Variants in COG5 observed in about 807,000 individuals in gnomAD.
COG5 encodes the protein conserved oligomeric Golgi complex subunit 5.
Under a neutral mutation model 110.4 loss-of-function variants are expected in COG5, and 86 were observed. That is an observed-to-expected ratio of 0.78 (90% CI 0.65 to 0.93). COG5 has a LOEUF of 0.93. Among genes scored for constraint, COG5 ranks in the 40% least tolerant of loss-of-function variants. The probability of loss-of-function intolerance (pLI) is 0.00; values close to 1 mark genes in which losing one functional copy is unlikely to be tolerated. For synonymous variants in COG5, 360 were observed against 334.6 expected (o/e 1.08, Z -0.83); for missense variants, 1,077 against 987.0 (o/e 1.09, Z -1.22).
intron 6 of COG5, among the ~76,000 whole-genome samples, chr7:107,444,345 T>C (rs17154091): frequency 0.19 from 29,401 of 152,164 alleles, 3,273 homozygotes; most frequent in East Asian, 0.33. Flanking sequence ...AGAGTTTAAA[T>C]TATTCAAGTC....
In COG5 at chr7:107,202,892, AG is replaced by A. The variant is rs1798451730; in HGVS notation, c.*623del. On this transcript the variant is annotated 3_prime_UTR_variant, in exon 22 of 22. Transcript: ENST00000297135. ...AAGATCCAGTATGACATACTTAAAAAGGCCATTTAACCTTGTATCTTAGCTT... is the reference window on the plus strand; with the variant it reads ...AAGATCCAGTATGACATACTTAAAAAGCCATTTAACCTTGTATCTTAGCTT... 6.5e-6 allele frequency: 1 copy of A among 152,708 alleles called. No individual in the cohort carries two copies. The highest frequency in any genetic ancestry group is 1.5e-5 in the Non-Finnish European group (1 of 68,444). 9.5% of individuals were successfully genotyped at this position (152,708 alleles called of 1,614,324 possible).
At chr7:107,208,617 C>G (rs1798934433) in intron 21 of COG5, 1 of 985,344 alleles carries the variant, frequency 1.0e-6, no homozygotes, top group South Asian at 4.7e-5. Flanking sequence ...CACCCAAATC[C>G]AAAGCCTTTC....
At chr7:107,496,090 C>T (rs1584895117) in intron 6 of COG5, among the ~76,000 whole-genome samples, 1 of 151,808 alleles carries the variant, frequency 6.6e-6, no homozygotes. Flanking sequence ...TTGGACCGAA[C>T]ATTTAAAGAG....
rs1489778471 is a variant in COG5 at position 107,507,467 on chromosome 7, G to GTT, written c.538+19769_538+19770insAA. On this transcript the variant is annotated intron_variant, in intron 6 of 21. Transcript: ENST00000297135. The stretch of plus-strand genomic sequence containing the variant: ...CACCACCATGCCCAGCTAATTTTTT[G>GTT]TATTTTTTTTTTTTTTTTTTTAGTA... 3.4e-4 allele frequency among the ~76,000 whole-genome samples: 38 copies of GTT among 112,566 alleles called. No homozygotes were observed. The East Asian group carries it at 5.7e-3, about 17-fold the overall frequency. The allele number at this position is 112,566 out of a possible 152,430, so 73.8% of individuals were successfully genotyped here.
intron 6 of COG5, among the ~76,000 whole-genome samples, chr7:107,424,154 T>C (rs774078416): frequency 1.3e-5 from 2 of 151,978 alleles, no homozygotes; most frequent in Non-Finnish European, 2.9e-5. Flanking sequence ...GTGCCTGTAG[T>C]ACCAGCTACT....
At chr7:107,266,927 A>T (rs1027325359) in intron 14 of COG5, among the ~76,000 whole-genome samples, 10 of 152,218 alleles carry the variant, frequency 6.6e-5, no homozygotes, top group African/African-American at 2.4e-4. Context: ...TATTTACAAA[A>T]TAAAGACAGG....
Position 107,474,325 on chromosome 7 carries a change from GTAA to G in COG5, c.538+52909_538+52911del. ...TACAATGAATCTTCATGTACTTGAT[GTAA>G]TAATTTGTGTGGGATGTATTCCTCT... is the stretch of plus-strand genomic sequence containing the variant. On this transcript the variant is annotated intron_variant, in intron 6 of 21. Coordinates refer to ENST00000297135, the MANE Select transcript of COG5 (RefSeq NM_006348.5). This position sits in a 1 kb window ranked among gnomAD's most constrained non-coding sequence, Gnocchi z 5.7. 6.2e-7 allele frequency: 1 copy of G among 1,611,600 alleles called. No individual in the cohort carries two copies. Among genetic ancestry groups the G allele is most frequent in the Non-Finnish European group, 8.5e-7 (1 of 1,177,928 alleles).
chr7:107,227,065 AG>A (rs978618857), intron 19 of COG5, among the ~76,000 whole-genome samples: 1 of 152,234 alleles, frequency 6.6e-6, no homozygotes, highest in African/African-American at 2.4e-5. Flanking sequence ...GTTTGTGGAA[AG>A]GAAAAAACTT....
intron 6 of COG5, among the ~76,000 whole-genome samples, chr7:107,414,700 TC>T (rs1792572002): frequency 7.4e-6 from 1 of 135,446 alleles, no homozygotes; most frequent in Admixed American, 8.1e-5. Flanking sequence ...ATCCTCACTG[TC>T]CCTTTTTTTT....
chr7:107,531,294 G>A (rs1014901784), intron 5 of COG5, among the ~76,000 whole-genome samples: 1 of 151,980 alleles, frequency 6.6e-6, no homozygotes, highest in Non-Finnish European at 1.5e-5. Flanking sequence ...TCAGATTTAA[G>A]TTTAGTATTT....
At chr7:107,266,669 G>C (rs1370853425) in intron 14 of COG5, among the ~76,000 whole-genome samples, 1 of 151,844 alleles carries the variant, frequency 6.6e-6, no homozygotes, top group Non-Finnish European at 1.5e-5. Flanking sequence ...TCTCTTTTTT[G>C]ATCTTTTTTT....
At chr7:107,295,740 C>T (rs980645919) in intron 12 of COG5, among the ~76,000 whole-genome samples, 15 of 152,138 alleles carry the variant, frequency 9.9e-5, no homozygotes, top group African/African-American at 3.6e-4. Context: ...TTAGTGAAAA[C>T]ACAGTAGCTT....
chr7:107,359,279 C>T (rs545840650), intron 10 of COG5, among the ~76,000 whole-genome samples: 1 of 152,258 alleles, frequency 6.6e-6, no homozygotes, highest in African/African-American at 2.4e-5. Flanking sequence ...AGCCCAGGTG[C>T]TGTCACATCT....
chr7:107,398,218 C>T (rs886452535), intron 7 of COG5, among the ~76,000 whole-genome samples: 5 of 152,174 alleles, frequency 3.3e-5, no homozygotes, highest in African/African-American at 9.7e-5. Context: ...AGTCTACCAA[C>T]TTATCAAGAC....
intron 6 of COG5, among the ~76,000 whole-genome samples, chr7:107,413,008 T>G (rs937110617): frequency 1.8e-4 from 26 of 148,040 alleles, no homozygotes; most frequent in Non-Finnish European, 3.3e-4. Context: ...GCTGCTGTTG[T>G]TTTTTTTTTA....
At chr7:107,310,496 C>A (rs1808128187) in intron 11 of COG5, among the ~76,000 whole-genome samples, 1 of 152,024 alleles carries the variant, frequency 6.6e-6, no homozygotes, top group African/African-American at 2.4e-5. Flanking sequence ...TCACAAAATG[C>A]TAAAATAAAA....
At chr7:107,232,259 T>C (rs539577440) in intron 18 of COG5, among the ~76,000 whole-genome samples, 1 of 152,320 alleles carries the variant, frequency 6.6e-6, no homozygotes, top group Admixed American at 6.5e-5. Flanking sequence ...CAGTAGGTGA[T>C]AGGCTGTTCT....
At chr7:107,484,608 C>T (rs1230864473) in intron 6 of COG5, among the ~76,000 whole-genome samples, 2 of 152,174 alleles carry the variant, frequency 1.3e-5, no homozygotes, top group Non-Finnish European at 1.5e-5. Flanking sequence ...ACTATATACA[C>T]TTAATGATAC....
intron 7 of COG5, among the ~76,000 whole-genome samples, chr7:107,385,805 C>CTTTTTTTTTTTTTTTTT (rs57758483): frequency 8.2e-6 from 1 of 122,332 alleles, no homozygotes; most frequent in Non-Finnish European, 1.8e-5. Flanking sequence ...TTGTTATTTT[C>CTTTTTTTTTTTTTTTTT]TTTTTTTTTT....
Sources: allele counts gnomAD v4.1 joint callset (sites outside exome capture counted in the v4.1 genomes callset), GRCh38; gene constraint gnomAD v4.1.1; non-coding constraint Gnocchi (gnomAD v3.1); transcripts MANE v1.5; gene names NCBI Gene and HGNC (gene_info 2026-07-23, HGNC 2026-07-21).